DNAH11: variants seen among roughly 807,000 people sequenced by gnomAD.
The protein encoded by DNAH11 is axonemal beta dynein heavy chain 11.
A neutral mutation model predicts 526.0 loss-of-function variants in DNAH11; 442 were observed. The observed-to-expected ratio is 0.84, with a 90% CI of 0.78 to 0.91. DNAH11 has a LOEUF of 0.91. Among genes scored for constraint, DNAH11 ranks in the 40% least tolerant of loss-of-function variants. The probability of loss-of-function intolerance (pLI) is 0.00; values close to 1 mark genes in which losing one functional copy is unlikely to be tolerated. For synonymous variants in DNAH11, 2,461 were observed against 1,935.9 expected (o/e 1.27, Z -7.12); for missense variants, 6,989 against 5,448.7 (o/e 1.28, Z -8.90).
chr7:21,718,673 C>G (rs527507885), intron 43 of DNAH11, among the ~76,000 whole-genome samples: 20 of 152,122 alleles, frequency 1.3e-4, no homozygotes, highest in African/African-American at 4.3e-4. Flanking sequence ...AAAAACTATC[C>G]CCAGCCCTTA....
At position 21,615,071 on chromosome 7, in the gene DNAH11, T is replaced by G. The variant is rs745893320; in HGVS notation, c.3853-43T>G. On this transcript the variant is annotated intron_variant, in intron 20 of 81. Transcript: ENST00000409508. ...AGCTACAGAACTGCATGTCTTCTCT[T>G]TCTCTGGCAGTTTGTATGCAGGTGT... The G allele has an allele frequency of 2.6e-6, 4 of 1,554,562 alleles. No individual in the cohort carries two copies. In the African/African-American group the frequency reaches 5.6e-5, roughly 22 times the overall value.
intron 54 of DNAH11, among the ~76,000 whole-genome samples, chr7:21,763,353 A>AAAAAAAAAAAAAAAAGAAG (rs66803559): frequency 1.1e-3 from 63 of 56,932 alleles, no homozygotes; most frequent in African/African-American, 1.8e-3. Flanking sequence ...AAAAAAAAAA[A>AAAAAAAAAAAAAAAAGAAG]AAAGAAAAAA....
At chr7:21,560,991 A>T in intron 4 of DNAH11, 80 bp from the exon 5 acceptor site, 1 of 984,114 alleles carries the variant, frequency 1.0e-6, no homozygotes, top group Non-Finnish European at 1.5e-6. Flanking sequence ...AATGGAATTT[A>T]AATATTTTAT....
At chr7:21,557,703 A>G (rs2086555219) in intron 2 of DNAH11, among the ~76,000 whole-genome samples, 1 of 152,214 alleles carries the variant, frequency 6.6e-6, no homozygotes, top group African/African-American at 2.4e-5. Flanking sequence ...CTTTCATCTT[A>G]AAGATTCAAA....
chr7:21,740,311 A>G (rs1785821936), intron 48 of DNAH11, among the ~76,000 whole-genome samples: 2 of 152,162 alleles, frequency 1.3e-5, no homozygotes, highest in South Asian at 4.1e-4. Context: ...TGGGCAGCCA[A>G]GATCACCACC....
At chr7:21,620,199 G>C in intron 25 of DNAH11, 121 bp downstream of exon 25, 4 of 908,840 alleles carry the variant, frequency 4.4e-6, no homozygotes, top group Non-Finnish European at 4.7e-6. Context: ...GATTAAATCA[G>C]GCTAACCGTC....
At chr7:21,720,691 A>C in intron 43 of DNAH11, 34 bp from the exon 44 acceptor site, 1 of 1,527,108 alleles carries the variant, frequency 6.5e-7, no homozygotes, top group Non-Finnish European at 8.8e-7. Context: ...TTTTAAAAAA[A>C]TGTTGCCTTA....
chr7:21,776,267 G>A (rs1050131896), intron 56 of DNAH11, among the ~76,000 whole-genome samples: 6 of 152,284 alleles, frequency 3.9e-5, no homozygotes, highest in South Asian at 2.1e-4. Context: ...AAAGACTGAC[G>A]GTGATTTCTT....
At chr7:21,832,312 G>C (rs1781819045) in intron 65 of DNAH11, among the ~76,000 whole-genome samples, 1 of 152,132 alleles carries the variant, frequency 6.6e-6, no homozygotes, top group Admixed American at 6.5e-5. Flanking sequence ...GCAGTGGCTG[G>C]CACCGGTTGT....
chr7:21,652,817 C>T (rs778750125), intron 28 of DNAH11, among the ~76,000 whole-genome samples: 10 of 152,042 alleles, frequency 6.6e-5, no homozygotes, highest in South Asian at 4.1e-4. Flanking sequence ...TTGAGGTGCT[C>T]ATATCCTTTC....
chr7:21,900,241 T>TGTTTCTCAGC, intron 81 of DNAH11, 121 bp downstream of exon 81: 1 of 1,104,574 alleles, frequency 9.1e-7, no homozygotes, highest in East Asian at 2.7e-5. Context: ...TGCTAGTCAT[T>TGTTTCTCAGC]ATCTCATTTC....
At chr7:21,592,728 A>G (rs1784733457) in intron 14 of DNAH11, among the ~76,000 whole-genome samples, 1 of 152,230 alleles carries the variant, frequency 6.6e-6, no homozygotes, top group South Asian at 2.1e-4. Flanking sequence ...TATCCTGCAG[A>G]TATTTTGATG....
intron 30 of DNAH11, among the ~76,000 whole-genome samples, chr7:21,662,722 A>G (rs1482864868): frequency 6.6e-6 from 1 of 152,054 alleles, no homozygotes; most frequent in Non-Finnish European, 1.5e-5. Flanking sequence ...CTCCCAACTG[A>G]AATTTTGTGT....
intron 46 of DNAH11, among the ~76,000 whole-genome samples, 181 bp downstream of exon 46, chr7:21,736,025 G>T (rs1048299791): frequency 1.3e-5 from 2 of 152,056 alleles, no homozygotes. Flanking sequence ...TGTGATTTTG[G>T]CTTTTTATGT....
intron 14 of DNAH11, among the ~76,000 whole-genome samples, chr7:21,596,367 G>C (rs550524955): frequency 6.6e-6 from 1 of 152,118 alleles, no homozygotes; most frequent in Non-Finnish European, 1.5e-5. Context: ...GAATCTCAGG[G>C]GTGTCCTGAC....
At chr7:21,873,014 G>C (rs1454377495) in intron 73 of DNAH11, among the ~76,000 whole-genome samples, 1 of 151,868 alleles carries the variant, frequency 6.6e-6, no homozygotes, top group Non-Finnish European at 1.5e-5. Context: ...TGTGTATTGC[G>C]TGGAGATTTT....
intron 42 of DNAH11, among the ~76,000 whole-genome samples, chr7:21,714,352 T>G (rs1784571781): frequency 6.6e-6 from 1 of 152,342 alleles, no homozygotes; most frequent in African/African-American, 2.4e-5. Flanking sequence ...ATCCAGGTCA[T>G]TTTCCAAAAT....
Position 21,619,476 on chromosome 7 carries a change from A to G in DNAH11, c.4377+254A>G, listed in dbSNP as rs66490706. 0.45 allele frequency among the ~76,000 whole-genome samples: 68,180 copies of G among 151,870 alleles called. 15,902 individuals carry two copies. The highest frequency in any genetic ancestry group is 0.76 in the East Asian group (3,943 of 5,174). On this transcript the variant is annotated intron_variant, in intron 24 of 81. Transcript: ENST00000409508. ...TTACATATCCTTTATTTTGTAGCCAACACCACTCTGAGTGCTTTATTTATA... is the reference window on the plus strand; with the variant it reads ...TTACATATCCTTTATTTTGTAGCCAGCACCACTCTGAGTGCTTTATTTATA...
Position 21,852,450 on chromosome 7 carries a change from T to C in DNAH11, c.10897-17T>C. 6.2e-7 allele frequency: 1 copy of C among 1,602,056 alleles called. No individual in the cohort carries two copies. The highest frequency in any genetic ancestry group is 8.5e-7 in the Non-Finnish European group (1 of 1,176,346). ...TACTTAACCACCATTTCCCACACTT[T>C]TCTTGGTTTTTATTAGTTGGTATTG... On this transcript the variant is annotated splice_polypyrimidine_tract_variant and intron_variant, in intron 66 of 81. Coordinates refer to ENST00000409508, the MANE Select transcript of DNAH11 (RefSeq NM_001277115.2).
Sources: allele counts gnomAD v4.1 joint callset (sites outside exome capture counted in the v4.1 genomes callset), GRCh38; gene constraint gnomAD v4.1.1; transcripts MANE v1.5; gene names NCBI Gene and HGNC (gene_info 2026-07-23, HGNC 2026-07-21).